The following ELP3 variants were observed in gnomAD, a reference collection of about 807,000 sequenced individuals.
ELP3 encodes elongator complex protein 3.
In ELP3, 56 loss-of-function variants were observed where a neutral mutation model predicts 74.9. The observed-to-expected ratio is 0.75, with a 90% CI of 0.60 to 0.93. The LOEUF (loss-of-function observed/expected upper bound fraction) is 0.93. Among genes scored for constraint, ELP3 ranks in the 40% least tolerant of loss-of-function variants. ELP3 has a pLI of 0.00. For missense variants in ELP3, 573 were observed against 686.5 expected (o/e 0.83, Z 1.85); for synonymous variants, 222 against 239.8 (o/e 0.93, Z 0.68).
chr8:28,158,690 C>G, intron 12 of ELP3, 57 bp downstream of exon 12: 1 of 1,383,288 alleles, frequency 7.2e-7, no homozygotes, highest in Non-Finnish European at 1.0e-6. Context: ...TTTGCCAACC[C>G]TGGGCCCACA....
At chr8:28,107,639 T>C (rs1199999574) in intron 4 of ELP3, among the ~76,000 whole-genome samples, 1 of 152,252 alleles carries the variant, frequency 6.6e-6, no homozygotes, top group Non-Finnish European at 1.5e-5. Flanking sequence ...ACTTCATTTC[T>C]GTTATTTGCC....
chr8:28,130,686 G>A lies in ELP3; in HGVS notation c.779+1023G>A, dbSNP rs74473095. ...GACAGTTGTGCAGATGGAGGGGAAG[G>A]GGGAGCTTTCTGAAGAATACGACAT... is the stretch of plus-strand genomic sequence containing the variant. On this transcript the variant is annotated intron_variant, in intron 8 of 14. Coordinates refer to ENST00000256398, the MANE Select transcript of ELP3 (RefSeq NM_018091.6). Among the ~76,000 whole-genome samples the A allele has an allele frequency of 7.7e-3, 1,178 of 152,302 alleles. 21 individuals are homozygous for A. Among genetic ancestry groups the A allele is most frequent in the African/African-American group, 0.026 (1,094 of 41,564 alleles).
intron 14 of ELP3, among the ~76,000 whole-genome samples, chr8:28,185,901 C>T (rs1169345123): frequency 6.6e-6 from 1 of 152,194 alleles, no homozygotes; most frequent in African/African-American, 2.4e-5. Flanking sequence ...TTCAGAATTA[C>T]TCCGAATTCT....
Position 28,191,076 on chromosome 8 carries a change from C to T in ELP3, c.*1351C>T, listed in dbSNP as rs1481750563. ...TTAAAAGCATCGCTTAACCTTGGCT[C>T]CTGTGGCATTTTACAAAGGTTTAAA... On this transcript the variant is annotated 3_prime_UTR_variant, in exon 15 of 15. Coordinates refer to ENST00000256398, the MANE Select transcript of ELP3 (RefSeq NM_018091.6). 6.6e-6 allele frequency: 1 copy of T among 152,192 alleles called. No homozygotes were observed. The highest frequency in any genetic ancestry group is 6.5e-5 in the Admixed American group (1 of 15,278). 9.4% of individuals were successfully genotyped at this position (152,192 alleles called of 1,614,324 possible). A position where few individuals can be genotyped will look rare whatever the true frequency, so the allele number is the denominator to read the frequency against.
At chr8:28,121,143 C>T (rs1812349543) in intron 7 of ELP3, among the ~76,000 whole-genome samples, 2 of 152,024 alleles carry the variant, frequency 1.3e-5, no homozygotes, top group Admixed American at 1.3e-4. Context: ...TTGCTTCTTG[C>T]AATTCATGAA....
chr8:28,143,803 A>G (rs1032879939), intron 10 of ELP3, among the ~76,000 whole-genome samples: 4 of 152,186 alleles, frequency 2.6e-5, no homozygotes, highest in Non-Finnish European at 5.9e-5. Context: ...ACGCATGGTA[A>G]AGGGTCTAAG....
chr8:28,139,716 G>A (rs372625257), intron 10 of ELP3, among the ~76,000 whole-genome samples: 4 of 152,232 alleles, frequency 2.6e-5, no homozygotes, highest in Admixed American at 2.0e-4. Context: ...AGGCCGAAGT[G>A]GGCGGATTAC....
At chr8:28,132,431 T>C in intron 9 of ELP3, 27 bp downstream of exon 9, 1 of 1,613,830 alleles carries the variant, frequency 6.2e-7, no homozygotes, top group East Asian at 2.2e-5. Flanking sequence ...CCAGGCGCAT[T>C]CAGAATGGCT....
Position 28,097,258 on chromosome 8 carries a change from G to C in ELP3, c.59G>C (p.Gly20Ala). The change falls in exon 2 of 15, where the codon GGA becomes GCA. Residue 20 changes from glycine to alanine, a missense_variant. By Grantham distance (60) the Gly-to-Ala change is moderately conservative. Coordinates refer to ENST00000256398, the MANE Select transcript of ELP3 (RefSeq NM_018091.6). ...SPAELMMLTI[G>A]DVIKQLIEAH... is the part of the protein sequence containing the mutation. The stretch of plus-strand genomic sequence containing the variant: ...GCTGAGCTGATGATGCTGACTATAG[G>C]AGATGTTATTAAACAACTGATTGAA... 1 of 1,613,990 alleles carries C rather than the reference G, an allele frequency of 6.2e-7. No individual in the cohort carries two copies. The highest frequency in any genetic ancestry group is 8.5e-7 in the Non-Finnish European group (1 of 1,179,952).
At chr8:28,115,994 T>G (rs1258159408) in intron 7 of ELP3, among the ~76,000 whole-genome samples, 1 of 152,178 alleles carries the variant, frequency 6.6e-6, no homozygotes, top group Admixed American at 6.5e-5. Flanking sequence ...TGGATAGACC[T>G]AAGAGTGGTT....
chr8:28,136,787 T>G (rs1813007527), intron 9 of ELP3, among the ~76,000 whole-genome samples: 1 of 152,060 alleles, frequency 6.6e-6, no homozygotes, highest in African/African-American at 2.4e-5. Context: ...AAGGTGGGAG[T>G]GAGAGGGGAC....
intron 11 of ELP3, among the ~76,000 whole-genome samples, chr8:28,156,287 A>T (rs1264218034): frequency 2.0e-5 from 3 of 152,172 alleles, no homozygotes; most frequent in African/African-American, 7.2e-5. Context: ...TCCAGTTTTT[A>T]AAAACAGTTT....
At position 28,168,111 on chromosome 8, in the gene ELP3, G is replaced by A. The variant is rs527990864; in HGVS notation, c.1567+6033G>A. ...ATTTACTCATTTGAAGGTGAATCAG[G>A]TACCAGTTTGTAGTACACCGCACAT... On this transcript the variant is annotated intron_variant, in intron 14 of 14. Transcript: ENST00000256398. 5.3e-5 allele frequency among the ~76,000 whole-genome samples: 8 copies of A among 152,306 alleles called. No homozygotes were observed. The South Asian group carries it at 1.7e-3, about 32-fold the overall frequency.
At chr8:28,140,984 C>T (rs1183629924) in intron 10 of ELP3, among the ~76,000 whole-genome samples, 7 of 152,166 alleles carry the variant, frequency 4.6e-5, no homozygotes, top group African/African-American at 1.7e-4. Context: ...CAGGGCCTCA[C>T]GGGAACCTAA....
At chr8:28,096,096 G>A (rs559625973) in intron 1 of ELP3, among the ~76,000 whole-genome samples, 139 of 152,160 alleles carry the variant, frequency 9.1e-4, no homozygotes, top group Non-Finnish European at 1.9e-3. Flanking sequence ...GTTGTGAACC[G>A]TGCATGTGGT....
At chr8:28,114,514 G>A (rs970845655) in intron 7 of ELP3, among the ~76,000 whole-genome samples, 1 of 151,416 alleles carries the variant, frequency 6.6e-6, no homozygotes, top group Non-Finnish European at 1.5e-5. Flanking sequence ...GCAGGGAGGT[G>A]CCACACTCTT....
intron 7 of ELP3, among the ~76,000 whole-genome samples, chr8:28,116,038 C>T (rs1417495931): frequency 6.6e-6 from 1 of 152,152 alleles, no homozygotes; most frequent in African/African-American, 2.4e-5. Flanking sequence ...GTTCTTGGCA[C>T]ATAGTAAGCA....
At chr8:28,181,691 G>A (rs1815016278) in intron 14 of ELP3, among the ~76,000 whole-genome samples, 1 of 152,220 alleles carries the variant, frequency 6.6e-6, no homozygotes, top group African/African-American at 2.4e-5. Flanking sequence ...AGTTGAGTGG[G>A]CCTACCCCAT....
intron 7 of ELP3, 165 bp from the exon 8 acceptor site, chr8:28,129,337 G>A (rs1812702872): frequency 3.1e-6 from 2 of 641,550 alleles, no homozygotes; most frequent in Non-Finnish European, 2.7e-6. Context: ...CATGTGCATA[G>A]TTAGGAAGTA....
Sources: allele counts gnomAD v4.1 joint callset (sites outside exome capture counted in the v4.1 genomes callset), GRCh38; gene constraint gnomAD v4.1.1; transcripts MANE v1.5; gene names NCBI Gene and HGNC (gene_info 2026-07-23, HGNC 2026-07-21).